The following RARB variants were observed in gnomAD, a reference collection of about 807,000 sequenced individuals.
The protein encoded by RARB is HBV-activated protein.
Under a neutral mutation model 51.9 loss-of-function variants are expected in RARB, and 17 were observed. The observed-to-expected ratio is 0.33, with a 90% CI of 0.22 to 0.49. The LOEUF (loss-of-function observed/expected upper bound fraction) is 0.49, where lower values mean the gene tolerates loss of function less well. Among genes scored for constraint, RARB ranks in the 20% least tolerant of loss-of-function variants. The probability of loss-of-function intolerance (pLI) is 0.99; values close to 1 mark genes in which losing one functional copy is unlikely to be tolerated. For synonymous variants in RARB, 215 were observed against 195.4 expected (o/e 1.10, Z -0.84); for missense variants, 369 against 550.8 (o/e 0.67, Z 3.30).
At chr3:25,253,637 A>G (rs940769949) in intron 5 of RARB, among the ~76,000 whole-genome samples, 2 of 152,166 alleles carry the variant, frequency 1.3e-5, no homozygotes, top group African/African-American at 4.8e-5. Context: ...CAACTCAAGA[A>G]AGAAGAAAAT....
At chr3:25,506,706 G>A (rs1242943264) in intron 3 of RARB, among the ~76,000 whole-genome samples, 2 of 152,256 alleles carry the variant, frequency 1.3e-5, no homozygotes, top group African/African-American at 4.8e-5. Context: ...ACAAACAAGT[G>A]TGGTTATATT....
At chr3:25,085,865 G>A (rs1296801176) in intron 3 of RARB, among the ~76,000 whole-genome samples, 2 of 152,142 alleles carry the variant, frequency 1.3e-5, no homozygotes, top group Non-Finnish European at 2.9e-5. Context: ...ATGAGGGTAG[G>A]CTAAGCTGCT....
chr3:25,244,515 T>C (rs1439141347), intron 5 of RARB, among the ~76,000 whole-genome samples: 1 of 152,214 alleles, frequency 6.6e-6, no homozygotes, highest in Non-Finnish European at 1.5e-5. Context: ...CATTGTGTCT[T>C]TGTTCTCATT....
intron 1 of RARB, among the ~76,000 whole-genome samples, chr3:24,832,104 T>A (rs1311860421): frequency 6.6e-6 from 1 of 152,170 alleles, no homozygotes; most frequent in Non-Finnish European, 1.5e-5. Context: ...GAAAACTTCT[T>A]TACTCATATG....
intron 1 of RARB, among the ~76,000 whole-genome samples, chr3:25,449,200 T>C (rs537839800): frequency 3.3e-5 from 5 of 152,016 alleles, no homozygotes; most frequent in Admixed American, 2.6e-4. Flanking sequence ...CCACACGCCG[T>C]TGGACTGCCG....
At chr3:24,970,757 G>C (rs1325714843) in intron 2 of RARB, among the ~76,000 whole-genome samples, 1 of 151,884 alleles carries the variant, frequency 6.6e-6, no homozygotes, top group Non-Finnish European at 1.5e-5. Flanking sequence ...ACTTTGTGTG[G>C]AGTAATTCTA....
chr3:25,470,323 C>T (rs752188946), intron 2 of RARB, among the ~76,000 whole-genome samples: 3 of 152,112 alleles, frequency 2.0e-5, no homozygotes, highest in Non-Finnish European at 4.4e-5. Context: ...TCCTCGATTA[C>T]AGGTAAATGG....
chr3:25,274,817 A>G (rs1013871338), intron 5 of RARB, among the ~76,000 whole-genome samples: 2 of 152,026 alleles, frequency 1.3e-5, no homozygotes, highest in African/African-American at 2.4e-5. Context: ...TACATAAGGC[A>G]TCTTAGGGCT....
intron 1 of RARB, among the ~76,000 whole-genome samples, chr3:24,853,593 A>C (rs1702592294): frequency 6.6e-6 from 1 of 152,218 alleles, no homozygotes; most frequent in Non-Finnish European, 1.5e-5. Flanking sequence ...AAGTCCAGTC[A>C]AATGTTAAAT....
At chr3:25,195,332 G>A (rs896298843) in intron 5 of RARB, among the ~76,000 whole-genome samples, 15 of 151,976 alleles carry the variant, frequency 9.9e-5, no homozygotes, top group African/African-American at 3.6e-4. Context: ...ACAACAGTTT[G>A]CAGAAAGTTT....
intron 2 of RARB, among the ~76,000 whole-genome samples, chr3:25,486,591 A>G (rs1276539028): frequency 2.0e-5 from 3 of 152,228 alleles, no homozygotes; most frequent in Non-Finnish European, 4.4e-5. Context: ...CAGGTCTTCA[A>G]CTTAATAAAC....
At chr3:25,317,519 G>A (rs1045731802) in intron 5 of RARB, among the ~76,000 whole-genome samples, 1 of 152,082 alleles carries the variant, frequency 6.6e-6, no homozygotes, top group Non-Finnish European at 1.5e-5. Context: ...TCAAAGACTT[G>A]AGATCGCCGA....
At position 25,205,373 on chromosome 3, in the gene RARB, C is replaced by T. The variant is rs188770603; in HGVS notation, c.178+30798C>T. Among the ~76,000 whole-genome samples the T allele has an allele frequency of 5.2e-3, 795 of 152,218 alleles. 5 individuals carry two copies. The highest frequency in any genetic ancestry group is 0.017 in the African/African-American group (715 of 41,518). On this transcript the variant is annotated intron_variant, in intron 5 of 11. Coordinates refer to the RARB transcript ENST00000383772. ...GAATTCCCTGACCCCTTGCACTTCC[C>T]GGGTGAGGCAATGCCTCACCCTGCT...
At chr3:25,051,775 A>C (rs1468499231) in intron 2 of RARB, among the ~76,000 whole-genome samples, 1 of 152,160 alleles carries the variant, frequency 6.6e-6, no homozygotes, top group African/African-American at 2.4e-5. Flanking sequence ...TAGAGGAGAG[A>C]ACATGGCCAA....
chr3:25,224,931 A>G lies in RARB; in HGVS notation c.178+50356A>G, dbSNP rs569954031. On this transcript the variant is annotated intron_variant, in intron 5 of 11. Transcript: ENST00000383772. ...CTCTTATTATATACTGTACCTAAGCAGCTTAACGTTCACAGGATTTGTATT... is the reference window on the plus strand; with the variant it reads ...CTCTTATTATATACTGTACCTAAGCGGCTTAACGTTCACAGGATTTGTATT... Among the ~76,000 whole-genome samples the G allele has an allele frequency of 4.6e-5, 7 of 152,228 alleles. No homozygotes were observed. The East Asian group carries it at 1.2e-3, about 25-fold the overall frequency.
intron 3 of RARB, among the ~76,000 whole-genome samples, chr3:25,103,461 A>G (rs1447878133): frequency 6.6e-6 from 1 of 152,300 alleles, no homozygotes; most frequent in African/African-American, 2.4e-5. Flanking sequence ...TGGAGGAAAA[A>G]TCTTATTCCT....
At chr3:25,525,407 C>T (rs1331374037) in intron 3 of RARB, among the ~76,000 whole-genome samples, 2 of 152,032 alleles carry the variant, frequency 1.3e-5, no homozygotes, top group Non-Finnish European at 2.9e-5. Flanking sequence ...CCCCTGCCTC[C>T]CATACTCAAA....
intron 2 of RARB, among the ~76,000 whole-genome samples, chr3:25,025,932 T>C (rs1376677262): frequency 6.6e-6 from 1 of 152,176 alleles, no homozygotes; most frequent in Non-Finnish European, 1.5e-5. Context: ...TTTTATGGCT[T>C]AAAAAATGCT....
intron 2 of RARB, among the ~76,000 whole-genome samples, chr3:24,953,169 A>G (rs938363190): frequency 2.0e-5 from 3 of 152,182 alleles, no homozygotes; most frequent in Non-Finnish European, 4.4e-5. Context: ...TGAAATTTGA[A>G]TGTGAAGTGG....
Sources: gnomAD v4.1 joint callset for allele counts (sites outside exome capture counted in the v4.1 genomes callset) on GRCh38, gnomAD v4.1.1 for gene constraint, MANE v1.5 for transcripts, NCBI Gene and HGNC (gene_info 2026-07-23, HGNC 2026-07-21) for gene names.